ADGRL3: variants seen among roughly 807,000 people sequenced by gnomAD.
The protein encoded by ADGRL3 is calcium-independent alpha-latrotoxin receptor 3.
ADGRL3 carries 62 observed loss-of-function variants against 153.5 expected under a neutral mutation model. That is an observed-to-expected ratio of 0.40 (90% CI 0.33 to 0.50). The LOEUF is 0.50. ADGRL3 is among the 20% of genes least tolerant of loss of function. The pLI is 0.47. For synonymous variants in ADGRL3, 710 were observed against 672.5 expected, an observed-to-expected ratio of 1.06 and a Z score of -0.86; for missense variants, 1,641 against 1,859.4, an observed-to-expected ratio of 0.88 and a Z score of 2.16.
In ADGRL3 at chr4:61,607,208, C is replaced by T. The variant is rs374641946; in HGVS notation, c.473+19768C>T. ...AACACTCCCAGTGTATCAAGTCTGC[C>T]TCTGGTTGGGTGTTCACAGAACTGG... On this transcript the variant is annotated intron_variant, in intron 5 of 26. Transcript: ENST00000683033. Among the ~76,000 whole-genome samples, 5 of 152,150 alleles carry T rather than the reference C, an allele frequency of 3.3e-5. No individual in the cohort carries two copies. In the East Asian group the frequency reaches 5.8e-4, roughly 18 times the overall value.
chr4:61,240,398 G>A (rs1754455258), intron 1 of ADGRL3, among the ~76,000 whole-genome samples: 1 of 152,000 alleles, frequency 6.6e-6, no homozygotes, highest in African/African-American at 2.4e-5. Flanking sequence ...CCATACCATA[G>A]CAGGAGTATT....
chr4:61,515,239 T>A (rs1403542671), intron 3 of ADGRL3, among the ~76,000 whole-genome samples: 1 of 152,178 alleles, frequency 6.6e-6, no homozygotes, highest in Non-Finnish European at 1.5e-5. Context: ...CCTGGAGGCC[T>A]TTCCTGTATC....
At chr4:61,903,543 G>A (rs2098676682) in intron 11 of ADGRL3, among the ~76,000 whole-genome samples, 2 of 150,832 alleles carry the variant, frequency 1.3e-5, no homozygotes, top group Admixed American at 1.3e-4. Context: ...GAGAGGGCCT[G>A]TAGCCCTAGC....
At chr4:61,826,673 A>G (rs1358617078) in intron 9 of ADGRL3, among the ~76,000 whole-genome samples, 2 of 152,224 alleles carry the variant, frequency 1.3e-5, no homozygotes, top group South Asian at 2.1e-4. Flanking sequence ...TATGGTTTCA[A>G]TTTTTAAAAA....
chr4:61,958,001 T>C (rs547612421), intron 17 of ADGRL3, among the ~76,000 whole-genome samples: 1 of 152,332 alleles, frequency 6.6e-6, no homozygotes, highest in South Asian at 2.1e-4. Flanking sequence ...GCTGCAGTTG[T>C]GCAAATTTAG....
At chr4:61,479,459 A>C (rs142441780) in intron 2 of ADGRL3, among the ~76,000 whole-genome samples, 1 of 152,170 alleles carries the variant, frequency 6.6e-6, no homozygotes, top group Non-Finnish European at 1.5e-5. Flanking sequence ...TAGATCTATA[A>C]AAGTACCCAA....
At chr4:61,712,033 T>C (rs2096002384) in intron 6 of ADGRL3, among the ~76,000 whole-genome samples, 1 of 152,102 alleles carries the variant, frequency 6.6e-6, no homozygotes, top group Non-Finnish European at 1.5e-5. Context: ...AAAAATTATA[T>C]TTCACCTTTG....
At chr4:61,786,941 G>C (rs953647131) in intron 8 of ADGRL3, among the ~76,000 whole-genome samples, 1 of 151,998 alleles carries the variant, frequency 6.6e-6, no homozygotes, top group African/African-American at 2.4e-5. Context: ...TATTAAAAAA[G>C]AGAATAAACT....
intron 2 of ADGRL3, among the ~76,000 whole-genome samples, chr4:61,451,060 G>A (rs1034342316): frequency 1.3e-5 from 2 of 151,988 alleles, no homozygotes; most frequent in African/African-American, 4.8e-5. Flanking sequence ...TGATCATTGC[G>A]TTCGTTATCT....
chr4:61,404,565 C>G lies in ADGRL3; in HGVS notation c.-174+21376C>G, dbSNP rs530344511. ...GCATTTCTTTATTCTGGCTTGAATA[C>G]TTATTATTGTGGAGGATACCTCAGG... On this transcript the variant is annotated intron_variant, in intron 2 of 26. Coordinates refer to ENST00000683033, the MANE Select transcript of ADGRL3 (RefSeq NM_001387552.1). 2.0e-5 allele frequency among the ~76,000 whole-genome samples: 3 copies of G among 152,138 alleles called. No homozygotes were observed. The East Asian group carries it at 5.8e-4, about 29-fold the overall frequency.
chr4:61,462,535 G>A (rs1376564647), intron 2 of ADGRL3, among the ~76,000 whole-genome samples: 1 of 152,104 alleles, frequency 6.6e-6, no homozygotes, highest in East Asian at 1.9e-4. Flanking sequence ...TTGTTCACAT[G>A]AGTCAGCAGA....
At chr4:62,050,583 T>C (rs1428870073) in intron 25 of ADGRL3, among the ~76,000 whole-genome samples, 1 of 152,088 alleles carries the variant, frequency 6.6e-6, no homozygotes, top group Non-Finnish European at 1.5e-5. Context: ...TATTTTGCTT[T>C]TATATTTTTA....
chr4:61,675,731 G>A (rs1330545738), intron 5 of ADGRL3, among the ~76,000 whole-genome samples: 1 of 151,094 alleles, frequency 6.6e-6, no homozygotes, highest in Non-Finnish European at 1.5e-5. Context: ...TTTGAAAAAG[G>A]CATGCGATGT....
intron 2 of ADGRL3, among the ~76,000 whole-genome samples, chr4:61,403,741 G>T (rs987173633): frequency 6.6e-5 from 10 of 151,984 alleles, no homozygotes; most frequent in Non-Finnish European, 1.3e-4. Context: ...TGGGGGACAG[G>T]CTTGTGTGAC....
chr4:61,974,211 C>T (rs1431551090), intron 17 of ADGRL3, among the ~76,000 whole-genome samples: 2 of 152,100 alleles, frequency 1.3e-5, no homozygotes, highest in Admixed American at 6.6e-5. Context: ...CAAAGCAGTC[C>T]ACCTGCCTCG....
intron 8 of ADGRL3, among the ~76,000 whole-genome samples, chr4:61,746,630 G>A (rs2096665445): frequency 6.6e-6 from 1 of 152,112 alleles, no homozygotes; most frequent in Non-Finnish European, 1.5e-5. Flanking sequence ...CGAAATGAAG[G>A]CAGAAATAAA....
At chr4:61,571,280 G>A (rs1305596373) in intron 4 of ADGRL3, among the ~76,000 whole-genome samples, 1 of 151,320 alleles carries the variant, frequency 6.6e-6, no homozygotes, top group Non-Finnish European at 1.5e-5. Context: ...TTTCAGACTA[G>A]CCTGCACAAC....
intron 2 of ADGRL3, among the ~76,000 whole-genome samples, chr4:61,451,192 A>G (rs923704109): frequency 2.0e-5 from 3 of 152,150 alleles, no homozygotes; most frequent in Non-Finnish European, 4.4e-5. Context: ...AGATGACTCA[A>G]ATATACAGAC....
intron 11 of ADGRL3, among the ~76,000 whole-genome samples, chr4:61,909,298 A>T (rs2098710933): frequency 6.6e-6 from 1 of 152,174 alleles, no homozygotes. Flanking sequence ...AACGACCCAA[A>T]TAGATAATTA....
Sources: allele counts gnomAD v4.1 joint callset (sites outside exome capture counted in the v4.1 genomes callset), GRCh38; gene constraint gnomAD v4.1.1; transcripts MANE v1.5; gene names NCBI Gene and HGNC (gene_info 2026-07-23, HGNC 2026-07-21).